The following PTPRD variants were observed in gnomAD, a reference collection of about 807,000 sequenced individuals.
PTPRD encodes the protein protein tyrosine phosphatase receptor type D.
In PTPRD, 34 loss-of-function variants were observed where a neutral mutation model predicts 214.5. That is an observed-to-expected ratio of 0.16 (90% CI 0.12 to 0.21). The LOEUF (loss-of-function observed/expected upper bound fraction) is 0.21. PTPRD is among the 10% of genes least tolerant of loss of function. The probability of loss-of-function intolerance (pLI) is 1.00; values close to 1 mark genes in which losing one functional copy is unlikely to be tolerated. For missense variants in PTPRD, 2,545 were observed against 2,398.7 expected, an observed-to-expected ratio of 1.06 and a Z score of -1.27; for synonymous variants, 1,128 against 845.7, an observed-to-expected ratio of 1.33 and a Z score of -5.79.
chr9:10,392,764 G>A (rs1392594607), intron 2 of PTPRD, among the ~76,000 whole-genome samples: 2 of 151,830 alleles, frequency 1.3e-5, no homozygotes, highest in Admixed American at 1.3e-4. Flanking sequence ...AAAAAGGATT[G>A]GAGGACCATT....
chr9:9,363,301 G>C (rs1388071056), intron 9 of PTPRD, among the ~76,000 whole-genome samples: 1 of 150,986 alleles, frequency 6.6e-6, no homozygotes, highest in African/African-American at 2.4e-5. Context: ...TAACATTCTA[G>C]ATAGTTGTAA....
intron 8 of PTPRD, among the ~76,000 whole-genome samples, chr9:9,565,178 AAACT>A (rs2084129040): frequency 6.6e-6 from 1 of 151,804 alleles, no homozygotes; most frequent in Admixed American, 6.6e-5. Flanking sequence ...GAGTAATTGT[AAACT>A]AACAATATAT....
chr9:8,958,939 T>A (rs920299363), intron 11 of PTPRD: 5 of 151,992 alleles, frequency 3.3e-5, no homozygotes, highest in African/African-American at 1.2e-4. Flanking sequence ...ATGAATTTTG[T>A]TTTAAGTTAG....
At chr9:8,338,864 A>AGAGAGAGAGAGC in intron 43 of PTPRD, 58 bp downstream of exon 43, 1 of 1,500,040 alleles carries the variant, frequency 6.7e-7, no homozygotes, top group Non-Finnish European at 9.1e-7. Context: ...AGAGAGAGAG[A>AGAGAGAGAGAGC]GGTATCTTAG....
At chr9:9,640,334 G>C (rs1023120648) in intron 7 of PTPRD, among the ~76,000 whole-genome samples, 3 of 152,194 alleles carry the variant, frequency 2.0e-5, no homozygotes, top group African/African-American at 4.8e-5. Flanking sequence ...AAGATCCTAA[G>C]TCTGGTGTAG....
At chr9:10,490,979 G>A (rs935367003) in intron 2 of PTPRD, among the ~76,000 whole-genome samples, 2 of 151,994 alleles carry the variant, frequency 1.3e-5, no homozygotes, top group Non-Finnish European at 2.9e-5. Context: ...ATAATCACTA[G>A]ATTTACACAC....
intron 3 of PTPRD, among the ~76,000 whole-genome samples, chr9:10,037,579 G>GAAA (rs1567236061): frequency 1.2e-5 from 1 of 80,034 alleles, no homozygotes; most frequent in Admixed American, 1.4e-4. Flanking sequence ...TTATAGCAGT[G>GAAA]GAAAAAAAAA....
chr9:10,487,992 C>A (rs1472731915), intron 2 of PTPRD, among the ~76,000 whole-genome samples: 1 of 150,776 alleles, frequency 6.6e-6, no homozygotes, highest in Non-Finnish European at 1.5e-5. Context: ...CTCTCTCTCT[C>A]TCTCTCTCTC....
chr9:10,140,531 C>G (rs1288555484), intron 3 of PTPRD, among the ~76,000 whole-genome samples: 2 of 152,074 alleles, frequency 1.3e-5, no homozygotes, highest in African/African-American at 4.8e-5. Context: ...CACATACACT[C>G]TCCCAAGACT....
chr9:8,502,378 G>C (rs1187632281), intron 23 of PTPRD, among the ~76,000 whole-genome samples: 1 of 151,954 alleles, frequency 6.6e-6, no homozygotes, highest in Non-Finnish European at 1.5e-5. Context: ...TAGACTTTGT[G>C]ACTCTTAACA....
chr9:9,911,261 G>A (rs752346469), intron 5 of PTPRD, among the ~76,000 whole-genome samples: 4 of 151,946 alleles, frequency 2.6e-5, no homozygotes, highest in South Asian at 2.1e-4. Flanking sequence ...TATTGCTCTC[G>A]TCCCATACTG....
chr9:8,549,636 G>A (rs907955565), intron 14 of PTPRD, among the ~76,000 whole-genome samples: 10 of 152,054 alleles, frequency 6.6e-5, no homozygotes, highest in African/African-American at 2.4e-4. Flanking sequence ...TTGTGAGGAG[G>A]GGCATATGAG....
intron 12 of PTPRD, among the ~76,000 whole-genome samples, chr9:8,677,482 A>G (rs918382711): frequency 3.9e-5 from 6 of 152,146 alleles, no homozygotes; most frequent in African/African-American, 1.4e-4. Flanking sequence ...GAGTACACAC[A>G]AACACAAAGA....
intron 3 of PTPRD, among the ~76,000 whole-genome samples, chr9:10,283,447 T>C (rs1375271547): frequency 6.6e-6 from 1 of 152,220 alleles, no homozygotes; most frequent in Non-Finnish European, 1.5e-5. Flanking sequence ...TAAATATTTG[T>C]TGAGTAAGTT....
chr9:10,106,421 T>C (rs2098633511), intron 3 of PTPRD, among the ~76,000 whole-genome samples: 2 of 151,880 alleles, frequency 1.3e-5, no homozygotes, highest in Admixed American at 6.6e-5. Flanking sequence ...AAGTTTTGGC[T>C]TCAAGGCAGA....
intron 3 of PTPRD, among the ~76,000 whole-genome samples, chr9:10,141,675 C>T (rs373449215): frequency 1.5e-4 from 23 of 152,060 alleles, no homozygotes; most frequent in East Asian, 5.8e-4. Flanking sequence ...GGCCATACTG[C>T]CCAAGGTAAT....
At chr9:10,251,507 GCT>G (rs1240901719) in intron 3 of PTPRD, among the ~76,000 whole-genome samples, 1 of 151,846 alleles carries the variant, frequency 6.6e-6, no homozygotes, top group Non-Finnish European at 1.5e-5. Context: ...AAGTTGCTTA[GCT>G]CTGTTTTCTA....
At chr9:10,096,872 G>C (rs751894721) in intron 3 of PTPRD, among the ~76,000 whole-genome samples, 1 of 151,822 alleles carries the variant, frequency 6.6e-6, no homozygotes, top group Non-Finnish European at 1.5e-5. Context: ...TATGCTTTTA[G>C]GTCTAACACT....
chr9:9,965,759 T>A (rs2094645828), intron 4 of PTPRD, among the ~76,000 whole-genome samples: 1 of 152,180 alleles, frequency 6.6e-6, no homozygotes, highest in African/African-American at 2.4e-5. Flanking sequence ...ATCACAATTG[T>A]TAAATGAAAT....
Sources: gnomAD v4.1 joint callset for allele counts (sites outside exome capture counted in the v4.1 genomes callset) on GRCh38, gnomAD v4.1.1 for gene constraint, MANE v1.5 for transcripts, NCBI Gene and HGNC (gene_info 2026-07-23, HGNC 2026-07-21) for gene names.